Variants in PPM1L observed in about 807,000 individuals in gnomAD.
The protein encoded by PPM1L is protein phosphatase, Mg2+/Mn2+ dependent 1L.
In PPM1L, 13 loss-of-function variants were observed where a neutral mutation model predicts 31.4. The observed-to-expected ratio is 0.41, with a 90% CI of 0.27 to 0.66. The LOEUF is 0.66. Ranked by LOEUF, PPM1L falls within the 30% of genes least tolerant of loss-of-function variation. The pLI, the probability that PPM1L is intolerant of heterozygous loss-of-function variation, is 0.29. For missense variants in PPM1L, 326 were observed against 453.7 expected, an observed-to-expected ratio of 0.72 and a Z score of 2.56; for synonymous variants, 184 against 175.4, an observed-to-expected ratio of 1.05 and a Z score of -0.39.
chr3:161,013,203 C>T (rs902591721), intron 2 of PPM1L, among the ~76,000 whole-genome samples: 1 of 152,130 alleles, frequency 6.6e-6, no homozygotes, highest in African/African-American at 2.4e-5. Context: ...AAATATGTCC[C>T]AGAGATTCTG....
chr3:160,934,209 T>C (rs544435569), intron 1 of PPM1L, among the ~76,000 whole-genome samples: 3 of 152,376 alleles, frequency 2.0e-5, no homozygotes, highest in South Asian at 2.1e-4. Context: ...AAAACACTTA[T>C]TTTTAGCTTT....
intron 2 of PPM1L, among the ~76,000 whole-genome samples, chr3:161,026,710 A>G (rs1718405533): frequency 6.6e-6 from 1 of 151,960 alleles, no homozygotes; most frequent in Admixed American, 6.6e-5. Flanking sequence ...AAAAAAAAAA[A>G]AAGAAAATTG....
intron 2 of PPM1L, 58 bp from the exon 3 acceptor site, chr3:161,065,345 C>A: frequency 6.5e-7 from 1 of 1,532,670 alleles, no homozygotes; most frequent in Admixed American, 1.8e-5. Flanking sequence ...CCACAAGAAG[C>A]AATGGAACCT....
intron 1 of PPM1L, among the ~76,000 whole-genome samples, chr3:160,763,458 G>A (rs1422676215): frequency 6.6e-6 from 1 of 152,110 alleles, no homozygotes; most frequent in Non-Finnish European, 1.5e-5. Context: ...CACAACTAAG[G>A]TACTTGAACC....
At chr3:160,847,140 A>G (rs1323584819) in intron 1 of PPM1L, among the ~76,000 whole-genome samples, 1 of 152,186 alleles carries the variant, frequency 6.6e-6, no homozygotes, top group Non-Finnish European at 1.5e-5. Flanking sequence ...AAACAAGTCA[A>G]ATCACACTGT....
chr3:160,798,661 G>A (rs893256992), intron 1 of PPM1L, among the ~76,000 whole-genome samples: 5 of 152,164 alleles, frequency 3.3e-5, no homozygotes, highest in Non-Finnish European at 7.3e-5. Context: ...TCACCCAAGA[G>A]CTCTAATGGA....
chr3:160,774,503 AAAC>A (rs1259680482), intron 1 of PPM1L, among the ~76,000 whole-genome samples: 1 of 152,176 alleles, frequency 6.6e-6, no homozygotes, highest in Non-Finnish European at 1.5e-5. Context: ...TTTTTTAAAA[AAAC>A]CTCTGATTTT....
chr3:160,919,472 A>G (rs985830085), intron 1 of PPM1L, among the ~76,000 whole-genome samples: 5 of 152,234 alleles, frequency 3.3e-5, no homozygotes, highest in African/African-American at 9.6e-5. Context: ...CGTGGGTGTC[A>G]TCCTCATGCT....
intron 1 of PPM1L, among the ~76,000 whole-genome samples, chr3:160,895,342 A>G (rs1414603489): frequency 6.6e-6 from 1 of 151,988 alleles, no homozygotes; most frequent in Non-Finnish European, 1.5e-5. Flanking sequence ...TCTCCTGAGT[A>G]GCTGGGACTA....
At chr3:160,960,001 T>C (rs1285241429) in intron 1 of PPM1L, among the ~76,000 whole-genome samples, 2 of 152,110 alleles carry the variant, frequency 1.3e-5, no homozygotes, top group Non-Finnish European at 2.9e-5. Flanking sequence ...GTACCTGATA[T>C]TCTGTGACTT....
chr3:161,058,441 A>G (rs1442177228), intron 2 of PPM1L, among the ~76,000 whole-genome samples: 16 of 151,744 alleles, frequency 1.1e-4, no homozygotes. Context: ...TTTCATTATT[A>G]CTAAAGTAAC....
chr3:161,022,533 A>T (rs186111818), intron 2 of PPM1L: 2 of 175,378 alleles, frequency 1.1e-5, no homozygotes, highest in East Asian at 2.8e-4. Flanking sequence ...GTGGATTCAA[A>T]TCACTGTTTA....
At chr3:160,993,396 G>A (rs1458231058) in intron 2 of PPM1L, among the ~76,000 whole-genome samples, 1 of 152,152 alleles carries the variant, frequency 6.6e-6, no homozygotes, top group African/African-American at 2.4e-5. Flanking sequence ...AGGGTTGGGG[G>A]AAGGAAGTCA....
At chr3:160,905,490 A>G (rs1324859431) in intron 1 of PPM1L, among the ~76,000 whole-genome samples, 3 of 152,190 alleles carry the variant, frequency 2.0e-5, no homozygotes, top group African/African-American at 4.8e-5. Flanking sequence ...TGATAGCCCC[A>G]TCATTAAAGT....
At chr3:160,823,605 A>G (rs1018378929) in intron 1 of PPM1L, among the ~76,000 whole-genome samples, 2 of 152,116 alleles carry the variant, frequency 1.3e-5, no homozygotes, top group Non-Finnish European at 2.9e-5. Context: ...CATTATTGGT[A>G]TAGAAATGGC....
chr3:160,868,708 CTT>C (rs35779475), intron 1 of PPM1L, among the ~76,000 whole-genome samples: 11 of 139,168 alleles, frequency 7.9e-5, no homozygotes, highest in South Asian at 2.3e-4. Context: ...GGAACTGAGG[CTT>C]TTTTTTTTTT....
At chr3:160,819,241 T>G (rs1308042128) in intron 1 of PPM1L, among the ~76,000 whole-genome samples, 1 of 152,016 alleles carries the variant, frequency 6.6e-6, no homozygotes, top group Non-Finnish European at 1.5e-5. Flanking sequence ...AAATTGCACT[T>G]TGTAAGACAC....
chr3:160,996,686 G>A (rs1040281004), intron 2 of PPM1L, among the ~76,000 whole-genome samples: 6 of 152,174 alleles, frequency 3.9e-5, no homozygotes, highest in African/African-American at 7.2e-5. Context: ...ATTGGGTACA[G>A]TGTACACTGC....
Position 161,071,903 on chromosome 3 carries a change from G to C in PPM1L, c.*2746G>C, listed in dbSNP as rs1719931473. On this transcript the variant is annotated 3_prime_UTR_variant, in exon 4 of 4. Coordinates refer to ENST00000498165, the MANE Select transcript of PPM1L (RefSeq NM_139245.4). ...GCAGCACTGCCAAAGCTTTGGAATTGTCACCCAAGGCTTCCTAGACTCCCT... is the reference window on the plus strand; with the variant it reads ...GCAGCACTGCCAAAGCTTTGGAATTCTCACCCAAGGCTTCCTAGACTCCCT... 6.6e-6 allele frequency: 1 copy of C among 151,360 alleles called. No individual in the cohort carries two copies. The highest frequency in any genetic ancestry group is 2.4e-5 in the African/African-American group (1 of 41,388). 9.4% of individuals were successfully genotyped at this position (151,360 alleles called of 1,614,324 possible). A position where few individuals can be genotyped will look rare whatever the true frequency, so the allele number is the denominator to read the frequency against.
Sources: gnomAD v4.1 joint callset for allele counts (sites outside exome capture counted in the v4.1 genomes callset) on GRCh38, gnomAD v4.1.1 for gene constraint, MANE v1.5 for transcripts, NCBI Gene and HGNC (gene_info 2026-07-23, HGNC 2026-07-21) for gene names.